The following MET variants were observed in gnomAD, a reference collection of about 807,000 sequenced individuals.
MET encodes MET proto-oncogene, receptor tyrosine kinase.
A neutral mutation model predicts 133.1 loss-of-function variants in MET; 48 were observed. That is an observed-to-expected ratio of 0.36 (90% CI 0.29 to 0.46). The LOEUF (loss-of-function observed/expected upper bound fraction) is 0.46. Among genes scored for constraint, MET ranks in the 20% least tolerant of loss-of-function variants. The pLI is 1.00. For missense variants in MET, 1,442 were observed against 1,695.9 expected (o/e 0.85, Z 2.63); for synonymous variants, 628 against 616.5 (o/e 1.02, Z -0.28).
At chr7:116,794,213 T>G (rs931177843) in intron 19 of MET, among the ~76,000 whole-genome samples, 1 of 152,228 alleles carries the variant, frequency 6.6e-6, no homozygotes, top group Non-Finnish European at 1.5e-5. Context: ...GGGACCTATC[T>G]AGTAACTTGA....
chr7:116,685,238 C>T (rs1231875851), intron 1 of MET, among the ~76,000 whole-genome samples: 1 of 152,184 alleles, frequency 6.6e-6, no homozygotes, highest in Non-Finnish European at 1.5e-5. Context: ...TCCCTCTCCT[C>T]GGAGATCCCA....
At position 116,797,762 on chromosome 7, in the gene MET, A is replaced by G; in HGVS notation, c.*1638A>G. On this transcript the variant is annotated 3_prime_UTR_variant, in exon 21 of 21. Transcript: ENST00000397752. The stretch of plus-strand genomic sequence containing the variant: ...TGATTTTCAATGACTGTAAATTGCG[A>G]TAAGGAAATGTACTGATTGCCAATA... The G allele has an allele frequency of 4.4e-6, 1 of 227,698 alleles. No individual in the cohort carries two copies. The highest frequency in any genetic ancestry group is 6.3e-5 in the East Asian group (1 of 15,810). The allele number at this position is 227,698 out of a possible 1,614,324, so 14.1% of individuals were successfully genotyped here. A position where few individuals can be genotyped will look rare whatever the true frequency, so the allele number is the denominator to read the frequency against.
intron 1 of MET, among the ~76,000 whole-genome samples, chr7:116,677,045 T>G (rs779104334): frequency 6.6e-6 from 1 of 151,910 alleles, no homozygotes; most frequent in Non-Finnish European, 1.5e-5. Flanking sequence ...ATCCGCCTGG[T>G]CCCATCCCAT....
At chr7:116,755,034 A>AAGAAAGAAAGAT (rs1794121383) in intron 5 of MET, among the ~76,000 whole-genome samples, 1 of 151,716 alleles carries the variant, frequency 6.6e-6, no homozygotes, top group Non-Finnish European at 1.5e-5. Context: ...GAAAGAAAGA[A>AAGAAAGAAAGAT]AGAAAGAAAA....
Position 116,746,608 on chromosome 7 carries a change from G to T in MET, c.1701+5583G>T, listed in dbSNP as rs370914380. On this transcript the variant is annotated intron_variant, in intron 5 of 20. Coordinates refer to ENST00000397752, the MANE Select transcript of MET (RefSeq NM_000245.4). Reference sequence around the variant, plus strand: ...TGGAATACTATGCAGCCATAAAAAAGGATGAGTTCATGTCCTTTGTAGGGA... The same window carrying T: ...TGGAATACTATGCAGCCATAAAAAATGATGAGTTCATGTCCTTTGTAGGGA... Among the ~76,000 whole-genome samples the T allele has an allele frequency of 1.6e-4, 25 of 152,180 alleles. No individual in the cohort carries two copies. The South Asian group carries it at 1.7e-3, about 10-fold the overall frequency.
chr7:116,697,544 AAAATTTTGGACGC>A (rs1797006017), intron 1 of MET, among the ~76,000 whole-genome samples: 1 of 152,196 alleles, frequency 6.6e-6, no homozygotes, highest in Admixed American at 6.5e-5. Context: ...TTGGAGTCAA[AAAATTTTGGACGC>A]AAATTTTGGC....
intron 19 of MET, among the ~76,000 whole-genome samples, chr7:116,784,013 C>A (rs1795230391): frequency 6.6e-6 from 1 of 152,216 alleles, no homozygotes; most frequent in Non-Finnish European, 1.5e-5. Context: ...CTCACCTGGG[C>A]AGCCAGATTC....
rs773107496 is a variant in MET, at chr7:116,757,706, T to G, written c.2034T>G (p.Thr678=). The part of the protein sequence containing the change: ...PMAGGTLLTL[T]GNYLNSGNSR... ...CTGGTGGCACTTTACTTACTTTAAC[T>G]GGAAATTACCTAAACAGTGGGAATT... The change falls in exon 8 of 21, where the codon ACT becomes ACG. Residue 678 remains threonine, a synonymous_variant. Transcript: ENST00000397752. 2 of 1,613,990 alleles carry G rather than the reference T, an allele frequency of 1.2e-6. No individual in the cohort carries two copies. The highest frequency in any genetic ancestry group is 2.2e-5 in the South Asian group (2 of 91,078).
intron 3 of MET, among the ~76,000 whole-genome samples, chr7:116,739,633 G>A (rs540193128): frequency 1.6e-4 from 25 of 152,320 alleles, no homozygotes; most frequent in African/African-American, 6.0e-4. Context: ...TTTCTGGAGA[G>A]AGTTTTGGTT....
At position 116,699,958 on chromosome 7, in the gene MET, A is replaced by G. The variant is rs1395827839; in HGVS notation, c.874A>G (p.Met292Val). Residue 292 changes from methionine to valine, a missense_variant, in exon 2 of 21, where the codon ATG becomes GTG. Met to Val is a conservative substitution (Grantham distance 21). Coordinates refer to ENST00000397752, the MANE Select transcript of MET (RefSeq NM_000245.4). Reference sequence around the variant, plus strand: ...CATAAACTCTGGATTGCATTCCTACATGGAAATGCCTCTGGAGTGTATTCT... The same window carrying G: ...CATAAACTCTGGATTGCATTCCTACGTGGAAATGCCTCTGGAGTGTATTCT... The part of the protein sequence containing the change: ...CSINSGLHSY[M>V]EMPLECILTE... 1 of 1,614,048 alleles carries G rather than the reference A, an allele frequency of 6.2e-7. No individual in the cohort carries two copies. Among genetic ancestry groups the G allele is most frequent in the South Asian group, 1.1e-5 (1 of 91,090 alleles).
At chr7:116,703,480 A>C (rs534138970) in intron 2 of MET, among the ~76,000 whole-genome samples, 2 of 152,250 alleles carry the variant, frequency 1.3e-5, no homozygotes, top group South Asian at 4.1e-4. Context: ...TTATTATTCA[A>C]AATAAAATAA....
At position 116,672,573 on chromosome 7, in the gene MET, GA is replaced by G; in HGVS notation, c.-16del. ...ACTTCTCCACTGGTTCCTGGGCACC[GA>G]AAGGTAAAATTGCAGCCCCTTTCAG... On this transcript the variant is annotated 5_prime_UTR_variant, in exon 1 of 21. Coordinates refer to ENST00000397752, the MANE Select transcript of MET (RefSeq NM_000245.4). 2.6e-6 allele frequency: 1 copy of G among 392,114 alleles called. No individual in the cohort carries two copies. The highest frequency in any genetic ancestry group is 4.5e-6 in the Non-Finnish European group (1 of 221,788). 24.3% of individuals were successfully genotyped at this position (392,114 alleles called of 1,614,324 possible).
At chr7:116,729,838 C>T (rs776021887) in intron 2 of MET, among the ~76,000 whole-genome samples, 4 of 152,210 alleles carry the variant, frequency 2.6e-5, no homozygotes, top group Non-Finnish European at 5.9e-5. Context: ...TCTCCATACT[C>T]ATCCCCCATC....
rs559015974 is a variant in MET, at chr7:116,755,815, T to C, written c.1862+300T>C. ...CTGAGTAGATTTGCAAGAGTAGCAC[T>C]AGTTGGGATCACTTCATCCTTGGAG... On this transcript the variant is annotated intron_variant, in intron 6 of 20. Transcript: ENST00000397752. Among the ~76,000 whole-genome samples the C allele has an allele frequency of 3.3e-5, 5 of 152,312 alleles. No individual in the cohort carries two copies. The South Asian group carries it at 8.3e-4, about 25-fold the overall frequency.
intron 3 of MET, among the ~76,000 whole-genome samples, chr7:116,733,727 T>A (rs527786414): frequency 9.5e-4 from 145 of 152,340 alleles, no homozygotes; most frequent in African/African-American, 3.4e-3. Flanking sequence ...TGATTTTTTT[T>A]AAAAGTGGCT....
intron 1 of MET, among the ~76,000 whole-genome samples, chr7:116,673,529 T>A (rs1796046758): frequency 6.6e-6 from 1 of 152,250 alleles, no homozygotes; most frequent in Admixed American, 6.5e-5. Flanking sequence ...CTCTCTTGAA[T>A]TTTAAGAAGA....
At chr7:116,757,122 G>T (rs559223755) in intron 6 of MET, among the ~76,000 whole-genome samples, 3 of 151,948 alleles carry the variant, frequency 2.0e-5, no homozygotes, top group South Asian at 2.1e-4. Context: ...TGCACCTCTA[G>T]TTCCAACTCC....
At chr7:116,716,319 GAGAGAGAGAGAGAGAGAGAA>G (rs1230825633) in intron 2 of MET, among the ~76,000 whole-genome samples, 5 of 142,886 alleles carry the variant, frequency 3.5e-5, no homozygotes, top group African/African-American at 1.1e-4. Context: ...GAGAGAGAGA[GAGAGAGAGAGAGAGAGAGAA>G]AAGAAACGGA....
At chr7:116,743,780 G>A (rs1195521453) in intron 5 of MET, among the ~76,000 whole-genome samples, 1 of 152,182 alleles carries the variant, frequency 6.6e-6, no homozygotes, top group Non-Finnish European at 1.5e-5. Flanking sequence ...ACCTCACACA[G>A]GAGAGCTCTG....
Sources: gnomAD v4.1 joint callset for allele counts (sites outside exome capture counted in the v4.1 genomes callset) on GRCh38, gnomAD v4.1.1 for gene constraint, MANE v1.5 for transcripts, NCBI Gene and HGNC (gene_info 2026-07-23, HGNC 2026-07-21) for gene names.